SAMD4A: variants seen among roughly 807,000 people sequenced by gnomAD.
The protein encoded by SAMD4A is protein Smaug homolog 1.
Under a neutral mutation model 81.3 loss-of-function variants are expected in SAMD4A, and 33 were observed. That is an observed-to-expected ratio of 0.41 (90% confidence interval 0.31 to 0.54). SAMD4A has a LOEUF of 0.54. SAMD4A is among the 20% of genes least tolerant of loss of function. SAMD4A has a pLI of 0.37. For synonymous variants in SAMD4A, 389 were observed against 382.1 expected (o/e 1.02, Z -0.21); for missense variants, 854 against 951.1 (o/e 0.90, Z 1.34).
intron 9 of SAMD4A, among the ~76,000 whole-genome samples, 195 bp downstream of exon 9, chr14:54,770,417 GA>G (rs2038669771): frequency 6.6e-6 from 1 of 152,380 alleles, no homozygotes; most frequent in Admixed American, 6.5e-5. Context: ...CCCAGGCGAA[GA>G]GCTGAATGTG....
intron 3 of SAMD4A, among the ~76,000 whole-genome samples, chr14:54,735,374 T>A (rs916812775): frequency 6.6e-6 from 1 of 152,228 alleles, no homozygotes; most frequent in African/African-American, 2.4e-5. Flanking sequence ...CGATATTTTT[T>A]AAACAATGTT....
At chr14:54,610,178 C>T (rs1002520283) in intron 2 of SAMD4A, among the ~76,000 whole-genome samples, 7 of 152,124 alleles carry the variant, frequency 4.6e-5, no homozygotes, top group East Asian at 1.9e-4. Flanking sequence ...AAAATGAACA[C>T]GAGTTTTCGT....
At chr14:54,646,436 T>A (rs755986667) in intron 2 of SAMD4A, among the ~76,000 whole-genome samples, 4 of 152,204 alleles carry the variant, frequency 2.6e-5, no homozygotes, top group Admixed American at 2.0e-4. Flanking sequence ...CCCTCAGAGT[T>A]TGTGATGCAG....
intron 3 of SAMD4A, among the ~76,000 whole-genome samples, chr14:54,720,685 C>T (rs1008446989): frequency 5.3e-5 from 8 of 152,128 alleles, no homozygotes; most frequent in Admixed American, 4.6e-4. Flanking sequence ...CTCTCTGTAC[C>T]TTAAACATAA....
intron 3 of SAMD4A, among the ~76,000 whole-genome samples, chr14:54,736,669 T>C (rs2037701881): frequency 6.6e-6 from 1 of 152,254 alleles, no homozygotes; most frequent in Admixed American, 6.5e-5. Context: ...CTTTTTGCTT[T>C]TGGCAGATAT....
At position 54,612,179 on chromosome 14, in the gene SAMD4A, A is replaced by G. The variant is rs549469957; in HGVS notation, c.196+44067A>G. On this transcript the variant is annotated intron_variant, in intron 2 of 12. Transcript: ENST00000554335. ...TGGAAAATAACAACTAAAAATTTAC[A>G]TGGAGAAAAAGTTTTTTTTCAAAGA... is the stretch of plus-strand genomic sequence containing the variant. Among the ~76,000 whole-genome samples, 76 of 152,330 alleles carry G rather than the reference A, an allele frequency of 5.0e-4. 1 individual carries two copies. The South Asian group carries it at 0.015, about 30-fold the overall frequency.
chr14:54,574,531 A>G (rs1201025809), intron 2 of SAMD4A, among the ~76,000 whole-genome samples: 1 of 152,110 alleles, frequency 6.6e-6, no homozygotes, highest in East Asian at 1.9e-4. Flanking sequence ...GAGAGAGGAG[A>G]GCATGAGGGA....
intron 2 of SAMD4A, among the ~76,000 whole-genome samples, chr14:54,577,571 A>G (rs564968252): frequency 6.6e-6 from 1 of 152,368 alleles, no homozygotes; most frequent in Admixed American, 6.5e-5. Context: ...ATGCATAAAA[A>G]GGGACTCTGG....
intron 2 of SAMD4A, among the ~76,000 whole-genome samples, chr14:54,683,352 A>G (rs1000291571): frequency 6.6e-6 from 1 of 152,230 alleles, no homozygotes; most frequent in Non-Finnish European, 1.5e-5. Flanking sequence ...AGCCCAAGGC[A>G]GTCACATAGG....
intron 12 of SAMD4A, among the ~76,000 whole-genome samples, chr14:54,786,130 G>A (rs143698944): frequency 8.7e-4 from 132 of 152,330 alleles, no homozygotes; most frequent in African/African-American, 2.7e-3. Flanking sequence ...AAAATGTGGT[G>A]TATCCAAACA....
At chr14:54,588,858 T>C (rs1270959457) in intron 2 of SAMD4A, among the ~76,000 whole-genome samples, 1 of 152,154 alleles carries the variant, frequency 6.6e-6, no homozygotes, top group East Asian at 1.9e-4. Flanking sequence ...TTTTATGCAG[T>C]CTATTGACAG....
intron 2 of SAMD4A, among the ~76,000 whole-genome samples, chr14:54,608,611 AG>A (rs2034277766): frequency 6.6e-6 from 1 of 152,228 alleles, no homozygotes; most frequent in African/African-American, 2.4e-5. Flanking sequence ...GGCACATAGT[AG>A]GTTATTGAGT....
rs2039275958 is a variant in SAMD4A at position 54,792,469 on chromosome 14, C to T, written c.*3525C>T. On this transcript the variant is annotated 3_prime_UTR_variant, in exon 13 of 13. Transcript: ENST00000554335. ...CGGTGCAAGGTTGTAGATGTTATTC[C>T]CCAGGAGCCTGGGCTTGGGGGCTGA... 6.6e-6 allele frequency: 1 copy of T among 152,164 alleles called. No homozygotes were observed. Among genetic ancestry groups the T allele is most frequent in the Admixed American group, 6.5e-5 (1 of 15,268 alleles). 9.4% of individuals were successfully genotyped at this position (152,164 alleles called of 1,614,324 possible). A position where few individuals can be genotyped will look rare whatever the true frequency, so the allele number is the denominator to read the frequency against.
intron 2 of SAMD4A, among the ~76,000 whole-genome samples, chr14:54,666,409 A>T (rs2035757716): frequency 6.6e-6 from 1 of 152,156 alleles, no homozygotes; most frequent in African/African-American, 2.4e-5. Flanking sequence ...ATATCCATAC[A>T]TACTGAAGTG....
intron 2 of SAMD4A, among the ~76,000 whole-genome samples, chr14:54,609,323 G>A (rs1323988717): frequency 1.3e-5 from 2 of 152,234 alleles, no homozygotes; most frequent in Non-Finnish European, 2.9e-5. Flanking sequence ...GCAGCCTGAA[G>A]AGGTTGGAAG....
chr14:54,724,080 C>T (rs1184550282), intron 3 of SAMD4A, among the ~76,000 whole-genome samples: 2 of 143,030 alleles, frequency 1.4e-5, no homozygotes, highest in African/African-American at 5.0e-5. Context: ...TTCATAGGAC[C>T]CCCACAGCAA....
intron 2 of SAMD4A, chr14:54,652,806 C>T (rs1172576955): frequency 6.6e-6 from 1 of 152,114 alleles, no homozygotes; most frequent in African/African-American, 2.4e-5. Context: ...TTCATGGAGA[C>T]ACAGCTGGCA....
chr14:54,591,542 T>G (rs2033776245), intron 2 of SAMD4A, among the ~76,000 whole-genome samples: 23 of 150,764 alleles, frequency 1.5e-4, no homozygotes, highest in Admixed American at 1.5e-3. Context: ...TTTTTTTTTG[T>G]TTTGTTTTTT....
Position 54,567,562 on chromosome 14 carries a change from C to G in SAMD4A, c.-355C>G, listed in dbSNP as rs2032977076. 3.6e-6 allele frequency: 1 copy of G among 274,906 alleles called. No individual in the cohort carries two copies. The highest frequency in any genetic ancestry group is 1.3e-4 in the East Asian group (1 of 7,438). 17.0% of individuals were successfully genotyped at this position (274,906 alleles called of 1,614,324 possible). The stretch of plus-strand genomic sequence containing the variant: ...TTGCCGCCCAGCGGGGAGGAGACCC[C>G]AGGACGCCGGAAATCACCATCCCAA... On this transcript the variant is annotated 5_prime_UTR_variant, in exon 2 of 13. Transcript: ENST00000554335.
Sources: allele counts gnomAD v4.1 joint callset (sites outside exome capture counted in the v4.1 genomes callset), GRCh38; gene constraint gnomAD v4.1.1; transcripts MANE v1.5; gene names NCBI Gene and HGNC (gene_info 2026-07-23, HGNC 2026-07-21).